SLC44A5: variants seen among roughly 807,000 people sequenced by gnomAD.
SLC44A5 encodes the protein choline transporter-like protein 5.
In SLC44A5, 57 loss-of-function variants were observed where a neutral mutation model predicts 101.8. That is an observed-to-expected ratio of 0.56 (90% CI 0.45 to 0.70). The LOEUF (loss-of-function observed/expected upper bound fraction) is 0.70. Among genes scored for constraint, SLC44A5 ranks in the 30% least tolerant of loss-of-function variants. The pLI is 0.00. For synonymous variants in SLC44A5, 281 were observed against 290.9 expected (o/e 0.97, Z 0.35); for missense variants, 737 against 853.1 (o/e 0.86, Z 1.70).
In SLC44A5 at chr1:75,339,596, C is replaced by A; in HGVS notation, c.87G>T (p.Gly29=). The A allele has an allele frequency of 1.9e-6, 3 of 1,609,386 alleles. No homozygotes were observed. Among genetic ancestry groups the A allele is most frequent in the Non-Finnish European group, 2.5e-6 (3 of 1,177,512 alleles). Residue 29 remains glycine, a synonymous_variant, in exon 4 of 24, where the codon GGG becomes GGT. Coordinates refer to ENST00000370859, the MANE Select transcript of SLC44A5 (RefSeq NM_001130058.2). ...TAATTGCTTACCTGTTGGCAACAGG[C>A]CCCTTGAAATCTGGGTCATATGTCC... ...DPRTYDPDFK[G]PVANRSCTDV...
chr1:75,583,870 T>A (rs867576820), intron 1 of SLC44A5, among the ~76,000 whole-genome samples: 1 of 152,132 alleles, frequency 6.6e-6, no homozygotes, highest in African/African-American at 2.4e-5. Flanking sequence ...CTAAAAAAAG[T>A]CTGAATAGGC....
chr1:75,614,986 C>G (rs1051814690), upstream of SLC44A5, among the ~76,000 whole-genome samples: 1 of 152,104 alleles, frequency 6.6e-6, no homozygotes, highest in Non-Finnish European at 1.5e-5. Context: ...CTGCTCCCCG[C>G]GCGCCGGCTC....
At chr1:75,306,724 G>C (rs1654926203) in intron 4 of SLC44A5, among the ~76,000 whole-genome samples, 1 of 113,504 alleles carries the variant, frequency 8.8e-6, no homozygotes, top group African/African-American at 3.5e-5. Flanking sequence ...TCATTTACTG[G>C]TTTCCTTTCT....
At chr1:75,484,607 C>A (rs1576920) in intron 2 of SLC44A5, among the ~76,000 whole-genome samples, 34,634 of 152,164 alleles carry the variant, frequency 0.23, 5,171 homozygotes, top group East Asian at 0.62. Flanking sequence ...ATTCTAGGGT[C>A]TGGAGGATGG....
intron 6 of SLC44A5, among the ~76,000 whole-genome samples, chr1:75,266,158 G>A (rs1650969347): frequency 6.6e-6 from 1 of 152,100 alleles, no homozygotes; most frequent in Non-Finnish European, 1.5e-5. Context: ...ATGGACTTTA[G>A]GCTCGGTTAT....
intron 2 of SLC44A5, among the ~76,000 whole-genome samples, chr1:75,426,068 G>A (rs1404714476): frequency 6.6e-6 from 1 of 152,108 alleles, no homozygotes; most frequent in African/African-American, 2.4e-5. Context: ...ACCCAAGGAT[G>A]TCCAATACAC....
the SLC44A5 span, among the ~76,000 whole-genome samples, chr1:75,722,956 T>C: frequency 1.3e-5 from 2 of 152,248 alleles, no homozygotes; most frequent in African/African-American, 4.8e-5. Flanking sequence ...CTGGCATGCT[T>C]ATACTGGTCC....
chr1:75,413,029 C>A (rs1046370957), intron 2 of SLC44A5, among the ~76,000 whole-genome samples: 1 of 152,138 alleles, frequency 6.6e-6, no homozygotes, highest in Admixed American at 6.6e-5. Flanking sequence ...TTATCTCACA[C>A]CATCACAAGA....
At chr1:75,657,378 G>A in the SLC44A5 span, among the ~76,000 whole-genome samples, 761 of 151,782 alleles carry the variant, frequency 5.0e-3, 6 homozygotes, top group African/African-American at 0.017. Flanking sequence ...GTGAAACTGC[G>A]TCACTACAAA....
intron 1 of SLC44A5, among the ~76,000 whole-genome samples, chr1:75,572,326 T>C (rs1180022516): frequency 6.6e-6 from 1 of 152,102 alleles, no homozygotes; most frequent in Non-Finnish European, 1.5e-5. Flanking sequence ...ACTGAATGGA[T>C]TCAGAACTAT....
chr1:75,603,967 C>A (rs1675169303), intron 1 of SLC44A5, among the ~76,000 whole-genome samples: 1 of 151,884 alleles, frequency 6.6e-6, no homozygotes, highest in African/African-American at 2.4e-5. Flanking sequence ...TGTAGGTTGT[C>A]TGTTTACTCT....
In SLC44A5 at chr1:75,297,243, A is replaced by G. The variant is rs1654034860; in HGVS notation, c.175+3369T>C. On this transcript the variant is annotated intron_variant, in intron 5 of 23. Coordinates refer to ENST00000370859, the MANE Select transcript of SLC44A5 (RefSeq NM_001130058.2). ...AATACAGTAATGAACTAAATCACCC[A>G]AAGAGTAATCAATTTAAAAAGAAAA... Among the ~76,000 whole-genome samples the G allele has an allele frequency of 3.3e-5, 5 of 152,224 alleles. No individual in the cohort carries two copies. The South Asian group carries it at 1.0e-3, about 31-fold the overall frequency.
At chr1:75,517,569 G>A (rs2101887101) in intron 2 of SLC44A5, among the ~76,000 whole-genome samples, 1 of 152,282 alleles carries the variant, frequency 6.6e-6, no homozygotes, top group Admixed American at 6.5e-5. Flanking sequence ...GCCGACAAGA[G>A]AGGATTTATG....
chr1:75,486,657 A>C (rs1451221474), intron 2 of SLC44A5, among the ~76,000 whole-genome samples: 1 of 152,224 alleles, frequency 6.6e-6, no homozygotes, highest in African/African-American at 2.4e-5. Flanking sequence ...AAATTGGCCA[A>C]AACAAAGAGG....
intron 5 of SLC44A5, among the ~76,000 whole-genome samples, chr1:75,296,650 GC>G (rs1238682747): frequency 6.6e-6 from 1 of 151,916 alleles, no homozygotes; most frequent in Non-Finnish European, 1.5e-5. Context: ...GAGGTGCCCT[GC>G]CCCCCTGCTT....
intron 6 of SLC44A5, among the ~76,000 whole-genome samples, chr1:75,251,605 C>T (rs1165441415): frequency 6.6e-6 from 1 of 152,080 alleles, no homozygotes; most frequent in Non-Finnish European, 1.5e-5. Context: ...GTGAAATTTA[C>T]AATATGTCAA....
At chr1:75,651,119 C>A in the SLC44A5 span, among the ~76,000 whole-genome samples, 1 of 152,120 alleles carries the variant, frequency 6.6e-6, no homozygotes, top group African/African-American at 2.4e-5. Context: ...GACCTAGAAC[C>A]TTTTCCTTGG....
At chr1:75,703,705 G>A in the SLC44A5 span, among the ~76,000 whole-genome samples, 1 of 151,892 alleles carries the variant, frequency 6.6e-6, no homozygotes, top group Non-Finnish European at 1.5e-5. Context: ...CAGAGAGTGT[G>A]TCAGAAGGCA....
At chr1:75,218,381 C>T in intron 17 of SLC44A5, 109 bp downstream of exon 17, 2 of 1,413,658 alleles carry the variant, frequency 1.4e-6, no homozygotes, top group Admixed American at 4.1e-5. Flanking sequence ...TTGATTCATA[C>T]CTTTGATTTC....
Sources: allele counts gnomAD v4.1 joint callset (sites outside exome capture counted in the v4.1 genomes callset), GRCh38; gene constraint gnomAD v4.1.1; transcripts MANE v1.5; gene names NCBI Gene and HGNC (gene_info 2026-07-23, HGNC 2026-07-21).